TANC1: variants seen among roughly 807,000 people sequenced by gnomAD.
The protein encoded by TANC1 is tetratricopeptide repeat, ankyrin repeat and coiled-coil containing 1, also known as protein TANC1.
Under a neutral mutation model 149.7 loss-of-function variants are expected in TANC1, and 77 were observed. The ratio of observed to expected loss-of-function variants is 0.51; its 90% CI spans 0.43 to 0.62. The LOEUF (loss-of-function observed/expected upper bound fraction) is 0.62, where lower values mean the gene tolerates loss of function less well. TANC1 is among the 20% of genes least tolerant of loss of function. TANC1 has a pLI of 0.00. For missense variants in TANC1, 1,985 were observed against 2,321.8 expected, an observed-to-expected ratio of 0.85 and a Z score of 2.98; for synonymous variants, 854 against 925.0, an observed-to-expected ratio of 0.92 and a Z score of 1.39.
chr2:159,149,113 A>T (rs2052482010), intron 5 of TANC1, 29 bp from the exon 6 acceptor site: 4 of 1,551,428 alleles, frequency 2.6e-6, no homozygotes, highest in Non-Finnish European at 3.5e-6. Flanking sequence ...CCAGAGGGGC[A>T]TCTTCATTGT....
At chr2:159,040,928 C>A (rs1559161900) in intron 2 of TANC1, among the ~76,000 whole-genome samples, 1 of 152,182 alleles carries the variant, frequency 6.6e-6, no homozygotes, top group Non-Finnish European at 1.5e-5. Flanking sequence ...ATGATGGTGA[C>A]CTACAGATGG....
intron 3 of TANC1, among the ~76,000 whole-genome samples, chr2:159,078,761 C>A (rs1473394743): frequency 6.6e-6 from 1 of 152,148 alleles, no homozygotes; most frequent in Non-Finnish European, 1.5e-5. Context: ...GTGAATAACT[C>A]TGCTGGTTTG....
chr2:159,045,593 A>G (rs975815630), intron 2 of TANC1, among the ~76,000 whole-genome samples: 3 of 152,224 alleles, frequency 2.0e-5, no homozygotes, highest in African/African-American at 7.2e-5. Flanking sequence ...TCAGATCTTC[A>G]AATTTTTTTG....
rs767406444 is a variant in TANC1 at position 159,196,640 on chromosome 2, G to A, written c.3012G>A (p.Ala1004=). ...VDHLDKKGQC[A]LVHSALRGHG... The stretch of plus-strand genomic sequence containing the variant: ...ACTTGGATAAGAAGGGCCAGTGTGC[G>A]CTTGTCCACAGTGCCCTACGGGGCC... The change falls in exon 18 of 27, where the codon GCG becomes GCA. Residue 1004 remains alanine, a synonymous_variant. Transcript: ENST00000263635. The A allele has an allele frequency of 3.3e-5, 53 of 1,611,298 alleles. No individual in the cohort carries two copies. In the East Asian group the frequency reaches 6.3e-4, roughly 19 times the overall value.
At position 159,225,670 on chromosome 2, in the gene TANC1, T is replaced by A. The variant is rs745449114; in HGVS notation, c.3812-18T>A. 6.2e-7 allele frequency: 1 copy of A among 1,608,922 alleles called. No homozygotes were observed. Among genetic ancestry groups the A allele is most frequent in the Non-Finnish European group, 8.5e-7 (1 of 1,175,290 alleles). On this transcript the variant is annotated intron_variant, in intron 23 of 26. Coordinates refer to ENST00000263635, the MANE Select transcript of TANC1 (RefSeq NM_033394.3). ...GCAGGGCCTCTGAAGTGCCTCTGAA[T>A]GCGTGTTTGTTTTGCAGGAAATGCT...
At chr2:158,983,176 T>C (rs1475811964) in intron 1 of TANC1, among the ~76,000 whole-genome samples, 1 of 152,024 alleles carries the variant, frequency 6.6e-6, no homozygotes, top group Non-Finnish European at 1.5e-5. Flanking sequence ...GAGTCAAAAG[T>C]GGTGTTTTAG....
chr2:159,131,381 T>TG (rs558112878), intron 4 of TANC1, among the ~76,000 whole-genome samples: 72 of 152,154 alleles, frequency 4.7e-4, no homozygotes, highest in African/African-American at 1.4e-3. Flanking sequence ...TTTCTGGGAT[T>TG]GGGGGGTCTC....
chr2:159,125,272 C>A (rs2049316251), intron 4 of TANC1, among the ~76,000 whole-genome samples: 1 of 152,194 alleles, frequency 6.6e-6, no homozygotes, highest in African/African-American at 2.4e-5. Context: ...GCTCTGACAG[C>A]AGCTTGCATT....
chr2:159,224,428 C>G (rs1379970572), intron 23 of TANC1, 64 bp downstream of exon 23: 2 of 1,595,844 alleles, frequency 1.3e-6, no homozygotes, highest in Non-Finnish European at 1.7e-6. Flanking sequence ...GAAGCCTAGA[C>G]AGCACAGAGA....
intron 3 of TANC1, among the ~76,000 whole-genome samples, chr2:159,093,382 A>T (rs568507215): frequency 6.6e-6 from 1 of 152,224 alleles, no homozygotes; most frequent in Non-Finnish European, 1.5e-5. Flanking sequence ...GGAATGTTAC[A>T]TCTACTGGAG....
At chr2:159,175,563 T>C (rs1402812623) in intron 12 of TANC1, among the ~76,000 whole-genome samples, 1 of 152,220 alleles carries the variant, frequency 6.6e-6, no homozygotes, top group Non-Finnish European at 1.5e-5. Context: ...AGCATATATA[T>C]TTGTCAGGGC....
At position 159,224,647 on chromosome 2, in the gene TANC1, G is replaced by A. The variant is rs1375330397; in HGVS notation, c.3811+283G>A. ...CAGAGAGGAACCACAGCCTCTTGCT[G>A]TGGGGTGGGGCCGGGTAGTGCTGCT... On this transcript the variant is annotated intron_variant, in intron 23 of 26. Transcript: ENST00000263635. 12 of 366,556 alleles carry A rather than the reference G, an allele frequency of 3.3e-5. No homozygotes were observed. The East Asian group carries it at 5.6e-4, about 17-fold the overall frequency. The allele number at this position is 366,556 out of a possible 1,614,324, so 22.7% of individuals were successfully genotyped here. A position where few individuals can be genotyped will look rare whatever the true frequency, so the allele number is the denominator to read the frequency against.
intron 1 of TANC1, among the ~76,000 whole-genome samples, chr2:158,984,950 T>A (rs2034838536): frequency 6.6e-6 from 1 of 152,162 alleles, no homozygotes; most frequent in Non-Finnish European, 1.5e-5. Context: ...GTGGACTTGA[T>A]CCTGTAAGCA....
intron 3 of TANC1, among the ~76,000 whole-genome samples, chr2:159,083,728 G>T (rs1340810843): frequency 1.3e-4 from 20 of 152,162 alleles, no homozygotes; most frequent in Admixed American, 1.3e-3. Flanking sequence ...AATGAAGTAA[G>T]TAATTCACAT....
At position 159,225,911 on chromosome 2, in the gene TANC1, G is replaced by T. The variant is rs566060146; in HGVS notation, c.3903+132G>T. 2.2e-5 allele frequency: 17 copies of T among 771,836 alleles called. No individual in the cohort carries two copies. The South Asian group carries it at 2.5e-4, about 11-fold the overall frequency. The allele number at this position is 771,836 out of a possible 1,614,324, so 47.8% of individuals were successfully genotyped here. A position where few individuals can be genotyped will look rare whatever the true frequency, so the allele number is the denominator to read the frequency against. The stretch of plus-strand genomic sequence containing the variant: ...GAAGTGCAAAAAGTGGCTGGGTGGG[G>T]TGGCTCACGCCTGTAACTCCAGCAC... On this transcript the variant is annotated intron_variant, in intron 24 of 26. Coordinates refer to ENST00000263635, the MANE Select transcript of TANC1 (RefSeq NM_033394.3).
chr2:159,219,118 C>T (rs892345133), intron 20 of TANC1, 120 bp from the exon 21 acceptor site: 7 of 1,359,262 alleles, frequency 5.1e-6, no homozygotes, highest in Admixed American at 1.7e-5. Flanking sequence ...GTTCACACAA[C>T]TTACAGATTT....
intron 2 of TANC1, among the ~76,000 whole-genome samples, chr2:159,064,124 CTATT>C (rs920931187): frequency 2.6e-5 from 4 of 152,160 alleles, no homozygotes; most frequent in African/African-American, 7.2e-5. Flanking sequence ...GTTTACCTAT[CTATT>C]TATTATTAAC....
At chr2:159,148,922 C>T in intron 5 of TANC1, 1 of 455,480 alleles carries the variant, frequency 2.2e-6, no homozygotes, top group South Asian at 4.4e-5. Context: ...TTCTCACTCA[C>T]CCTTTGCACT....
chr2:159,096,159 C>G (rs1022242380), intron 3 of TANC1, among the ~76,000 whole-genome samples: 4 of 152,144 alleles, frequency 2.6e-5, no homozygotes, highest in East Asian at 1.9e-4. Context: ...TTTTAAGAAG[C>G]AGGTAATGAT....
Sources: gnomAD v4.1 joint callset for allele counts (sites outside exome capture counted in the v4.1 genomes callset) on GRCh38, gnomAD v4.1.1 for gene constraint, MANE v1.5 for transcripts, NCBI Gene and HGNC (gene_info 2026-07-23, HGNC 2026-07-21) for gene names.